GRIK2: variants seen among roughly 807,000 people sequenced by gnomAD.
GRIK2 encodes glutamate ionotropic receptor kainate type subunit 2.
GRIK2 carries 32 observed loss-of-function variants against 100.3 expected under a neutral mutation model. The ratio of observed to expected loss-of-function variants is 0.32; its 90% CI spans 0.24 to 0.43. The LOEUF (loss-of-function observed/expected upper bound fraction) is 0.43, where lower values mean the gene tolerates loss of function less well. Among genes scored for constraint, GRIK2 ranks in the 20% least tolerant of loss-of-function variants. The pLI, the probability that GRIK2 is intolerant of heterozygous loss-of-function variation, is 1.00. For synonymous variants in GRIK2, 417 were observed against 389.4 expected (o/e 1.07, Z -0.83); for missense variants, 843 against 1,114.9 (o/e 0.76, Z 3.47).
intron 15 of GRIK2, among the ~76,000 whole-genome samples, chr6:102,041,123 A>ACAT (rs1269333773): frequency 1.3e-5 from 2 of 151,616 alleles, no homozygotes; most frequent in Non-Finnish European, 3.0e-5. Context: ...TGCTCCACAG[A>ACAT]CATCATTAAC....
At chr6:101,525,506 T>C (rs1775106640) in intron 2 of GRIK2, among the ~76,000 whole-genome samples, 1 of 152,118 alleles carries the variant, frequency 6.6e-6, no homozygotes, top group Non-Finnish European at 1.5e-5. Flanking sequence ...ACAGTAAAAA[T>C]AGGGGAAAAC....
intron 14 of GRIK2, among the ~76,000 whole-genome samples, chr6:102,006,152 A>G (rs919173538): frequency 6.6e-6 from 1 of 151,984 alleles, no homozygotes; most frequent in Non-Finnish European, 1.5e-5. Context: ...AGCACCAAGA[A>G]TTCTGCTCAG....
intron 7 of GRIK2, among the ~76,000 whole-genome samples, chr6:101,724,330 C>G (rs1052290981): frequency 1.3e-5 from 2 of 151,804 alleles, no homozygotes; most frequent in Non-Finnish European, 2.9e-5. Flanking sequence ...AGTTTTTCAG[C>G]CCTTGTGTCC....
chr6:101,417,110 C>T (rs941422019), intron 2 of GRIK2, among the ~76,000 whole-genome samples: 3 of 152,140 alleles, frequency 2.0e-5, no homozygotes, highest in Admixed American at 6.5e-5. Flanking sequence ...GAAGGAGGAG[C>T]AAAGCTACTG....
At chr6:101,791,429 A>G (rs1213018000) in intron 7 of GRIK2, among the ~76,000 whole-genome samples, 1 of 152,178 alleles carries the variant, frequency 6.6e-6, no homozygotes, top group East Asian at 1.9e-4. Context: ...ATTGGTGTCA[A>G]AGAAGATCTT....
intron 14 of GRIK2, among the ~76,000 whole-genome samples, chr6:102,024,880 A>T (rs1769611112): frequency 6.7e-6 from 1 of 150,348 alleles, no homozygotes; most frequent in African/African-American, 2.4e-5. Flanking sequence ...AACTGATTTG[A>T]TCATTACAAA....
chr6:101,861,954 G>A (rs1374521715), intron 11 of GRIK2, among the ~76,000 whole-genome samples: 1 of 152,092 alleles, frequency 6.6e-6, no homozygotes, highest in African/African-American at 2.4e-5. Flanking sequence ...ACGAGAATGG[G>A]GGCTTGGATC....
At chr6:101,988,130 TGTGCGCGCGC>T (rs763607325) in intron 14 of GRIK2, among the ~76,000 whole-genome samples, 1,572 of 20,592 alleles carry the variant, frequency 0.076, 13 homozygotes, top group Middle Eastern at 0.19. Flanking sequence ...TGTGTGTGTG[TGTGCGCGCGC>T]GCGCGCGCGC....
At chr6:101,801,831 A>C (rs750016636) in intron 8 of GRIK2, among the ~76,000 whole-genome samples, 41 of 151,852 alleles carry the variant, frequency 2.7e-4, no homozygotes, top group African/African-American at 9.9e-4. Flanking sequence ...CCTTGCCCTT[A>C]CTTAGTGGAA....
chr6:101,662,175 A>G (rs941258090), intron 4 of GRIK2, among the ~76,000 whole-genome samples: 4 of 152,262 alleles, frequency 2.6e-5, no homozygotes, highest in Non-Finnish European at 5.9e-5. Flanking sequence ...TGGAATTGTG[A>G]TGAAGAAAGA....
intron 12 of GRIK2, among the ~76,000 whole-genome samples, chr6:101,913,749 C>A (rs1015107462): frequency 2.0e-5 from 3 of 151,172 alleles, no homozygotes; most frequent in East Asian, 1.9e-4. Context: ...AGAACATTAA[C>A]AAAGTAAAGA....
intron 2 of GRIK2, among the ~76,000 whole-genome samples, chr6:101,463,578 A>C (rs1771456984): frequency 6.6e-6 from 1 of 152,126 alleles, no homozygotes. Context: ...TCTTTTGGGG[A>C]AGTTCTTAAA....
chr6:101,774,617 G>T (rs1228240736), intron 7 of GRIK2, among the ~76,000 whole-genome samples: 2 of 152,084 alleles, frequency 1.3e-5, no homozygotes, highest in Non-Finnish European at 2.9e-5. Context: ...AATTTAATTA[G>T]GTAAGAATAA....
At chr6:101,541,928 CTAT>C (rs1776017993) in intron 2 of GRIK2, among the ~76,000 whole-genome samples, 1 of 151,856 alleles carries the variant, frequency 6.6e-6, no homozygotes, top group South Asian at 2.1e-4. Context: ...TTAATATGTA[CTAT>C]TTCGTTACAG....
At chr6:101,513,580 G>A (rs751824144) in intron 2 of GRIK2, among the ~76,000 whole-genome samples, 4 of 152,092 alleles carry the variant, frequency 2.6e-5, no homozygotes, top group South Asian at 2.1e-4. Context: ...ATATTTTGAT[G>A]TTCTTCTTTA....
At chr6:101,881,419 G>T (rs545914063) in intron 11 of GRIK2, among the ~76,000 whole-genome samples, 33 of 151,840 alleles carry the variant, frequency 2.2e-4, no homozygotes, top group African/African-American at 7.2e-4. Context: ...ACATTGTTTA[G>T]TGCAGCACTA....
rs190392726 is a variant in GRIK2, at chr6:101,578,830, C to A, written c.116-43119C>A. Among the ~76,000 whole-genome samples the A allele has an allele frequency of 5.9e-5, 9 of 152,208 alleles. No homozygotes were observed. The East Asian group carries it at 1.5e-3, about 26-fold the overall frequency. On this transcript the variant is annotated intron_variant, in intron 2 of 16. Coordinates refer to ENST00000369134, the MANE Select transcript of GRIK2 (RefSeq NM_021956.5). The stretch of plus-strand genomic sequence containing the variant: ...AATTCAGTGAACATTTATTGAATAT[C>A]TACTATACATCCAGCAACATATAAA...
At chr6:101,410,334 A>G (rs1429124498) in intron 2 of GRIK2, among the ~76,000 whole-genome samples, 1 of 152,106 alleles carries the variant, frequency 6.6e-6, no homozygotes, top group African/African-American at 2.4e-5. Context: ...TTGATTCAGG[A>G]AAGTTTCATA....
At chr6:101,587,669 A>G (rs1210391659) in intron 2 of GRIK2, among the ~76,000 whole-genome samples, 1 of 152,178 alleles carries the variant, frequency 6.6e-6, no homozygotes, top group South Asian at 2.1e-4. Flanking sequence ...TAGTTGAACA[A>G]CAGGTATTAG....
Sources: gnomAD v4.1 joint callset for allele counts (sites outside exome capture counted in the v4.1 genomes callset) on GRCh38, gnomAD v4.1.1 for gene constraint, MANE v1.5 for transcripts, NCBI Gene and HGNC (gene_info 2026-07-23, HGNC 2026-07-21) for gene names.